Variants in UBR3 observed in about 807,000 individuals in gnomAD.
The protein encoded by UBR3 is ubiquitin protein ligase E3 component n-recognin 3, also known as E3 ubiquitin-protein ligase UBR3.
UBR3 carries 85 observed loss-of-function variants against 243.2 expected under a neutral mutation model. That is an observed-to-expected ratio of 0.35 (90% CI 0.29 to 0.42). UBR3 has a LOEUF of 0.42. Among genes scored for constraint, UBR3 ranks in the 10% least tolerant of loss-of-function variants. The pLI is 1.00. For missense variants in UBR3, 1,686 were observed against 2,300.8 expected (o/e 0.73, Z 5.47); for synonymous variants, 748 against 799.8 (o/e 0.94, Z 1.09).
Position 169,947,644 on chromosome 2 carries a change from C to G in UBR3, c.3013C>G (p.Pro1005Ala). The G allele has an allele frequency of 1.9e-6, 3 of 1,541,230 alleles. No individual in the cohort carries two copies. Among genetic ancestry groups the G allele is most frequent in the Non-Finnish European group, 1.8e-6 (2 of 1,141,988 alleles). The change falls in exon 22 of 39, where the codon CCA becomes GCA. Residue 1005 changes from proline to alanine, a missense_variant. Physicochemically the swap from Pro to Ala is conservative, Grantham distance 27 (BLOSUM62 -1). Around this residue, in one of 8 missense-constraint regions of UBR3, gnomAD observed 300 missense variants for 314.4 expected, o/e 0.95. Coordinates refer to ENST00000272793, the MANE Select transcript of UBR3 (RefSeq NM_172070.4). ...TATAAACTATGTTAGAGTAAGAGTT[C>G]CAGAGACTGCTCCTGAAGTAAAGAG... Reference protein sequence around the residue: ...HFINYVRVRVPETAPEVKRDS... With the variant: ...HFINYVRVRVAETAPEVKRDS...
chr2:170,061,305 T>C lies in UBR3; in HGVS notation c.4894-13T>C, dbSNP rs1276978734. ...GTAGACTGACTTGTTCAAATTTTCTTTTTTAACTTTAGGTTAACCCTATTG... is the reference window on the plus strand; with the variant it reads ...GTAGACTGACTTGTTCAAATTTTCTCTTTTAACTTTAGGTTAACCCTATTG... On this transcript the variant is annotated splice_polypyrimidine_tract_variant and intron_variant, in intron 34 of 38. Coordinates refer to ENST00000272793, the MANE Select transcript of UBR3 (RefSeq NM_172070.4). 1 of 1,609,012 alleles carries C rather than the reference T, an allele frequency of 6.2e-7. No individual in the cohort carries two copies. Among genetic ancestry groups the C allele is most frequent in the Non-Finnish European group, 8.5e-7 (1 of 1,178,762 alleles).
intron 10 of UBR3, among the ~76,000 whole-genome samples, chr2:169,913,719 A>G (rs2085345676): frequency 6.6e-6 from 1 of 152,148 alleles, no homozygotes; most frequent in African/African-American, 2.4e-5. Flanking sequence ...AGCCCCAAAG[A>G]AACTCTGTAC....
intron 26 of UBR3, among the ~76,000 whole-genome samples, chr2:169,999,921 G>T (rs1430648904): frequency 2.0e-5 from 3 of 152,272 alleles, no homozygotes; most frequent in Non-Finnish European, 4.4e-5. Context: ...GAGGTCGGGA[G>T]TTCGAGACCA....
intron 36 of UBR3, among the ~76,000 whole-genome samples, chr2:170,074,989 A>C (rs1334374289): frequency 6.6e-6 from 1 of 152,170 alleles, no homozygotes; most frequent in Non-Finnish European, 1.5e-5. Flanking sequence ...AGGGGAGCCA[A>C]GTTTCAGGGA....
At chr2:169,862,292 C>T (rs570766951) in intron 1 of UBR3, among the ~76,000 whole-genome samples, 23 of 150,550 alleles carry the variant, frequency 1.5e-4, no homozygotes, top group African/African-American at 4.4e-4. Flanking sequence ...TTTTTCTTTT[C>T]GTTCTTAGAA....
chr2:169,966,040 A>G (rs561056843), intron 24 of UBR3, among the ~76,000 whole-genome samples: 5 of 152,332 alleles, frequency 3.3e-5, no homozygotes, highest in African/African-American at 1.2e-4. Context: ...TGAATGCAAC[A>G]CATTTCTACT....
Position 169,947,722 on chromosome 2 carries a change from G to A in UBR3, c.3084+7G>A. The A allele has an allele frequency of 2.8e-6, 4 of 1,450,044 alleles. No homozygotes were observed. Among genetic ancestry groups the A allele is most frequent in the Non-Finnish European group, 3.6e-6 (4 of 1,100,034 alleles). The allele number at this position is 1,450,044 out of a possible 1,614,324, so 89.8% of individuals were successfully genotyped here. A position where few individuals can be genotyped will look rare whatever the true frequency, so the allele number is the denominator to read the frequency against. On this transcript the variant is annotated splice_region_variant and intron_variant, in intron 22 of 38. Transcript: ENST00000272793. ...TAACTTGGGTTCTTTACAAGTAAGT[G>A]TAAATGTAAGAAAGAAAATAAGAAA...
intron 25 of UBR3, among the ~76,000 whole-genome samples, chr2:169,993,537 G>C (rs1269679417): frequency 6.6e-6 from 1 of 152,148 alleles, no homozygotes; most frequent in Non-Finnish European, 1.5e-5. Context: ...GTCTGGATTT[G>C]TGTGATTATT....
intron 22 of UBR3, among the ~76,000 whole-genome samples, chr2:169,948,524 C>G (rs1229569665): frequency 6.6e-6 from 1 of 151,988 alleles, no homozygotes; most frequent in Non-Finnish European, 1.5e-5. Flanking sequence ...GTTTTAGTCT[C>G]CACAACCTAG....
chr2:169,939,211 A>T (rs568770288), intron 19 of UBR3, among the ~76,000 whole-genome samples: 8 of 148,394 alleles, frequency 5.4e-5, no homozygotes, highest in Admixed American at 2.0e-4. Flanking sequence ...CTCTCCTCCC[A>T]CCCCCATTTT....
chr2:169,994,276 A>G (rs753979122), intron 25 of UBR3, 47 bp from the exon 26 acceptor site: 2 of 1,608,004 alleles, frequency 1.2e-6, no homozygotes, highest in Non-Finnish European at 1.7e-6. Context: ...TTACAGGTCT[A>G]TGGCACTGAT....
chr2:169,847,079 C>CTGTGTGTG (rs769261518), intron 1 of UBR3, among the ~76,000 whole-genome samples: 6 of 123,704 alleles, frequency 4.9e-5, no homozygotes, highest in African/African-American at 9.2e-5. Context: ...TTTTCTTAAA[C>CTGTGTGTG]TGTGTGTGTG....
rs1250645725 is a variant in UBR3 at position 170,033,577 on chromosome 2, A to ACC, written c.4556+4131_4556+4132dup. ...CGGAAAATTTGATTGGTTTTTCCAC[A>ACC]CCCACCCCCCCCCCCCCCAATATTT... On this transcript the variant is annotated intron_variant, in intron 31 of 38. Coordinates refer to ENST00000272793, the MANE Select transcript of UBR3 (RefSeq NM_172070.4). 8.1e-4 allele frequency among the ~76,000 whole-genome samples: 32 copies of ACC among 39,456 alleles called. 2 individuals carry two copies. Among genetic ancestry groups the ACC allele is most frequent in the African/African-American group, 1.8e-3 (12 of 6,658 alleles). 25.9% of individuals were successfully genotyped at this position (39,456 alleles called of 152,430 possible). A position where few individuals can be genotyped will look rare whatever the true frequency, so the allele number is the denominator to read the frequency against.
At chr2:169,968,221 A>T (rs1439564419) in intron 24 of UBR3, among the ~76,000 whole-genome samples, 1 of 152,132 alleles carries the variant, frequency 6.6e-6, no homozygotes, top group Non-Finnish European at 1.5e-5. Flanking sequence ...GGAACATTTC[A>T]AATCTTTTAG....
At chr2:169,862,881 G>GC (rs1390745083) in intron 1 of UBR3, among the ~76,000 whole-genome samples, 1 of 152,130 alleles carries the variant, frequency 6.6e-6, no homozygotes, top group Non-Finnish European at 1.5e-5. Context: ...TTAACATGGG[G>GC]CGGGGGTATG....
chr2:169,888,654 C>T (rs1215411218), intron 5 of UBR3, among the ~76,000 whole-genome samples: 1 of 152,192 alleles, frequency 6.6e-6, no homozygotes, highest in Admixed American at 6.5e-5. Flanking sequence ...TATGATTCCA[C>T]CTCACTATCC....
At chr2:169,881,958 A>G (rs1457326694) in intron 5 of UBR3, among the ~76,000 whole-genome samples, 7 of 101,198 alleles carry the variant, frequency 6.9e-5, no homozygotes, top group Non-Finnish European at 1.1e-4. Context: ...ATGTATGTAT[A>G]CATACATATG....
chr2:169,975,275 T>C (rs1406712398), intron 24 of UBR3, among the ~76,000 whole-genome samples: 14 of 152,216 alleles, frequency 9.2e-5, no homozygotes. Context: ...CAAAAGTTCC[T>C]CGTTATTAAT....
At chr2:169,847,124 T>TGCGC (rs57013279) in intron 1 of UBR3, among the ~76,000 whole-genome samples, 15 of 33,486 alleles carry the variant, frequency 4.5e-4, no homozygotes, top group African/African-American at 1.0e-3. Context: ...TGTGTGTGTG[T>TGCGC]GCGCTGGCAG....
Sources: allele counts gnomAD v4.1 joint callset (sites outside exome capture counted in the v4.1 genomes callset), GRCh38; gene constraint gnomAD v4.1.1; regional missense constraint gnomAD v4.1.1; transcripts MANE v1.5; gene names NCBI Gene and HGNC (gene_info 2026-07-23, HGNC 2026-07-21).